Variants in KCNK2 observed in about 807,000 individuals in gnomAD.
KCNK2 encodes potassium two pore domain channel subfamily K member 2, also known as potassium channel subfamily K member 2.
A neutral mutation model predicts 40.5 loss-of-function variants in KCNK2; 21 were observed. That is an observed-to-expected ratio of 0.52 (90% CI 0.37 to 0.75). The LOEUF is 0.75. Ranked by LOEUF, KCNK2 falls within the 30% of genes least tolerant of loss-of-function variation. KCNK2 has a pLI of 0.00. For missense variants in KCNK2, 399 were observed against 531.6 expected, an observed-to-expected ratio of 0.75 and a Z score of 2.45; for synonymous variants, 191 against 202.2, an observed-to-expected ratio of 0.94 and a Z score of 0.47.
At chr1:215,149,342 T>C (rs1159648610) in intron 3 of KCNK2, among the ~76,000 whole-genome samples, 4 of 152,132 alleles carry the variant, frequency 2.6e-5, no homozygotes, top group Non-Finnish European at 4.4e-5. Context: ...ATGGTGGTGA[T>C]AGATGCCATG....
At chr1:215,014,621 A>C (rs1445041890) in intron 1 of KCNK2, among the ~76,000 whole-genome samples, 1 of 152,108 alleles carries the variant, frequency 6.6e-6, no homozygotes, top group African/African-American at 2.4e-5. Flanking sequence ...CTAGGCTCAA[A>C]AAATTGATTG....
intron 6 of KCNK2, among the ~76,000 whole-genome samples, chr1:215,215,063 CCT>C (rs1665901214): frequency 6.6e-6 from 1 of 152,138 alleles, no homozygotes; most frequent in African/African-American, 2.4e-5. Flanking sequence ...GAGAGAGAAA[CCT>C]GGGAATAGTT....
chr1:215,043,738 T>C (rs2102494231), intron 1 of KCNK2, among the ~76,000 whole-genome samples: 1 of 152,250 alleles, frequency 6.6e-6, no homozygotes, highest in East Asian at 1.9e-4. Context: ...TGCACAACCA[T>C]CTGAATGTAT....
chr1:215,104,911 T>G (rs930364086), intron 2 of KCNK2, among the ~76,000 whole-genome samples: 1 of 152,060 alleles, frequency 6.6e-6, no homozygotes, highest in African/African-American at 2.4e-5. Flanking sequence ...CCTGATTATC[T>G]CATTTTGTAA....
At chr1:215,007,183 GGGTATA>G (rs1408404834) in intron 1 of KCNK2, among the ~76,000 whole-genome samples, 984 of 83,520 alleles carry the variant, frequency 0.012, 61 homozygotes, top group Middle Eastern at 0.032. Flanking sequence ...GTATGTGTGT[GGGTATA>G]TATATATATA....
At chr1:215,044,566 G>T (rs917502705) in intron 1 of KCNK2, among the ~76,000 whole-genome samples, 1 of 151,958 alleles carries the variant, frequency 6.6e-6, no homozygotes, top group Non-Finnish European at 1.5e-5. Flanking sequence ...TCCTATTAGG[G>T]TGCATATTAG....
At chr1:215,011,081 T>TG (rs1174115954) in intron 1 of KCNK2, among the ~76,000 whole-genome samples, 1 of 151,740 alleles carries the variant, frequency 6.6e-6, no homozygotes, top group Admixed American at 6.6e-5. Context: ...TATAGTTCTA[T>TG]GAGTTTTGAT....
At chr1:215,123,618 G>A (rs10127656) in intron 2 of KCNK2, among the ~76,000 whole-genome samples, 115,384 of 152,010 alleles carry the variant, frequency 0.76, 44,161 homozygotes, top group African/African-American at 0.78. Flanking sequence ...GTAGTACCCC[G>A]TTTTCAGAGT....
At chr1:215,073,426 T>C (rs1055599451) in intron 1 of KCNK2, among the ~76,000 whole-genome samples, 1 of 152,190 alleles carries the variant, frequency 6.6e-6, no homozygotes, top group Non-Finnish European at 1.5e-5. Context: ...TATGTTGGGA[T>C]GCATTGGTTG....
Position 215,097,068 on chromosome 1 carries a change from C to T in KCNK2, c.357+10390C>T, listed in dbSNP as rs74521335. Among the ~76,000 whole-genome samples the T allele has an allele frequency of 1.4e-3, 216 of 151,740 alleles. 4 individuals carry two copies. In the East Asian group the frequency reaches 0.033, roughly 23 times the overall value. On this transcript the variant is annotated intron_variant, in intron 2 of 6. Coordinates refer to ENST00000444842, the MANE Select transcript of KCNK2 (RefSeq NM_001017425.3). ...CAAGCAGAATAATTAATAGATCAAC[C>T]GAGAAAGGAGGGAGTTTTTACCTAA...
chr1:215,219,670 A>T (rs895017588), intron 6 of KCNK2, among the ~76,000 whole-genome samples: 1 of 152,094 alleles, frequency 6.6e-6, no homozygotes, highest in Non-Finnish European at 1.5e-5. Context: ...TATTTAATGC[A>T]TATTTTTTTT....
At chr1:215,017,704 A>T (rs1181348207) in intron 1 of KCNK2, among the ~76,000 whole-genome samples, 1 of 152,188 alleles carries the variant, frequency 6.6e-6, no homozygotes, top group Non-Finnish European at 1.5e-5. Flanking sequence ...ATACTTGAAA[A>T]TTACTAGGAG....
chr1:215,203,570 A>G (rs1400268319), intron 6 of KCNK2, among the ~76,000 whole-genome samples: 7 of 151,972 alleles, frequency 4.6e-5, no homozygotes, highest in Non-Finnish European at 1.0e-4. Flanking sequence ...TCTATGTAGA[A>G]CATAAAATAT....
chr1:215,083,194 TCCCCCCCCCG>T lies in KCNK2; in HGVS notation c.-186_-177del. 19 of 501,764 alleles carry T rather than the reference TCCCCCCCCCG, an allele frequency of 3.8e-5. No individual in the cohort carries two copies. The highest frequency in any genetic ancestry group is 5.3e-5 in the Non-Finnish European group (16 of 301,506). The allele number at this position is 501,764 out of a possible 1,614,324, so 31.1% of individuals were successfully genotyped here. A position where few individuals can be genotyped will look rare whatever the true frequency, so the allele number is the denominator to read the frequency against. ...CCCGCGATTTCGTTTCTTCTCACGC[TCCCCCCCCCG>T]CCCCCTCCCGCGTCCAGCCCCGCTC... On this transcript the variant is annotated 5_prime_UTR_variant, in exon 1 of 7. Transcript: ENST00000444842.
At chr1:215,136,544 C>G (rs1323003647) in intron 3 of KCNK2, among the ~76,000 whole-genome samples, 1 of 152,160 alleles carries the variant, frequency 6.6e-6, no homozygotes, top group Non-Finnish European at 1.5e-5. Context: ...TATTCTGTGA[C>G]AATTCCCATA....
intron 5 of KCNK2, among the ~76,000 whole-genome samples, chr1:215,180,135 G>C (rs1664164974): frequency 6.6e-6 from 1 of 152,024 alleles, no homozygotes; most frequent in Admixed American, 6.6e-5. Flanking sequence ...CTTTTTTACT[G>C]TTGTTGGCTT....
chr1:215,155,544 C>T (rs1319836049), intron 3 of KCNK2, among the ~76,000 whole-genome samples: 5 of 151,924 alleles, frequency 3.3e-5, no homozygotes, highest in South Asian at 2.1e-4. Flanking sequence ...ATTTAGAGAC[C>T]GAGCCTTGCT....
At chr1:215,061,228 T>C (rs938138659) in intron 1 of KCNK2, among the ~76,000 whole-genome samples, 3 of 152,170 alleles carry the variant, frequency 2.0e-5, no homozygotes, top group African/African-American at 7.2e-5. Context: ...AATGGATTTG[T>C]CATTACCACC....
chr1:215,110,497 A>C (rs1453704302), intron 2 of KCNK2, among the ~76,000 whole-genome samples: 1 of 152,028 alleles, frequency 6.6e-6, no homozygotes, highest in East Asian at 1.9e-4. Context: ...CAATCTTGAC[A>C]CCCTTGTTGA....
Sources: allele counts gnomAD v4.1 joint callset (sites outside exome capture counted in the v4.1 genomes callset), GRCh38; gene constraint gnomAD v4.1.1; transcripts MANE v1.5; gene names NCBI Gene and HGNC (gene_info 2026-07-23, HGNC 2026-07-21).